C6orf118: variants seen among roughly 807,000 people sequenced by gnomAD.
C6orf118 encodes the protein chromosome 6 open reading frame 118, also known as uncharacterized protein C6orf118.
A neutral mutation model predicts 50.2 loss-of-function variants in C6orf118; 50 were observed. The observed-to-expected ratio is 1.00, with a 90% CI of 0.79 to 1.26. The LOEUF is 1.26. Ranked by LOEUF, C6orf118 falls within the 50% of genes most tolerant of loss-of-function variation. The probability of loss-of-function intolerance (pLI) is 0.00; values close to 1 mark genes in which losing one functional copy is unlikely to be tolerated. For missense variants in C6orf118, 641 were observed against 578.7 expected (o/e 1.11, Z -1.10); for synonymous variants, 239 against 230.9 (o/e 1.03, Z -0.32).
At chr6:165,283,287 C>A (rs138167789) in intron 7 of C6orf118, among the ~76,000 whole-genome samples, 28 of 152,304 alleles carry the variant, frequency 1.8e-4, no homozygotes, top group South Asian at 1.4e-3. Context: ...GATTGTGTTA[C>A]CCTGCCCAGG....
intron 1 of C6orf118, 43 bp from the exon 2 acceptor site, chr6:165,302,339 T>C (rs760831530): frequency 1.3e-6 from 2 of 1,583,798 alleles, no homozygotes; most frequent in Non-Finnish European, 8.5e-7. Context: ...TCGCTCTTAG[T>C]TCCACAGTAA....
chr6:165,302,958 A>AT (rs1463732158), intron 1 of C6orf118, among the ~76,000 whole-genome samples: 11 of 152,238 alleles, frequency 7.2e-5, no homozygotes, highest in Admixed American at 2.0e-4. Flanking sequence ...AATTCTACCC[A>AT]TTTTTGCTGC....
rs922066459 is a variant in C6orf118 at position 165,289,914 on chromosome 6, A to G, written c.1274T>C (p.Ile425Thr). Reference sequence around the variant, plus strand: ...TATGCTTTTAATCCTATTCTCAGTGATATCTGAAATTCCAGTATGAACCAA... The same window carrying G: ...TATGCTTTTAATCCTATTCTCAGTGGTATCTGAAATTCCAGTATGAACCAA... ...TTLVHTGISD[I>T]TENRIKSIEH... The change falls in exon 7 of 9, where the codon ATC becomes ACC. Residue 425 changes from isoleucine to threonine, a missense_variant. Coordinates refer to ENST00000230301, the MANE Select transcript of C6orf118 (RefSeq NM_144980.4). 6.2e-7 allele frequency: 1 copy of G among 1,605,752 alleles called. No individual in the cohort carries two copies. The highest frequency in any genetic ancestry group is 1.7e-5 in the Admixed American group (1 of 58,328).
chr6:165,307,640 T>G (rs1373664513), intron 1 of C6orf118, among the ~76,000 whole-genome samples: 1 of 152,144 alleles, frequency 6.6e-6, no homozygotes, highest in Non-Finnish European at 1.5e-5. Context: ...TTCTCCTTGG[T>G]CTCATTCTAG....
At chr6:165,289,801 A>T in intron 7 of C6orf118, 85 bp downstream of exon 7, 2 of 880,146 alleles carry the variant, frequency 2.3e-6, no homozygotes, top group Non-Finnish European at 3.2e-6. Context: ...TTTTTACCCT[A>T]TTACCAAATC....
rs897687982 is a variant in C6orf118, at chr6:165,305,198, A to C, written c.26-2902T>G. 3.3e-4 allele frequency among the ~76,000 whole-genome samples: 21 copies of C among 63,238 alleles called. 2 individuals are homozygous for C. The highest frequency in any genetic ancestry group is 1.7e-3 in the African/African-American group (17 of 9,730). 41.5% of individuals were successfully genotyped at this position (63,238 alleles called of 152,430 possible). A position where few individuals can be genotyped will look rare whatever the true frequency, so the allele number is the denominator to read the frequency against. On this transcript the variant is annotated intron_variant, in intron 1 of 8. Coordinates refer to ENST00000230301, the MANE Select transcript of C6orf118 (RefSeq NM_144980.4). ...TCTACAACTATCTGATCTTTGACAA[A>C]CCTGAGAAAAACAAGCAATGGGGAA...
intron 7 of C6orf118, among the ~76,000 whole-genome samples, chr6:165,286,471 A>G (rs1464264464): frequency 6.6e-6 from 1 of 152,158 alleles, no homozygotes; most frequent in Non-Finnish European, 1.5e-5. Context: ...AAAAGATACA[A>G]CAAAAAAGGA....
Position 165,301,843 on chromosome 6 carries a change from T to C in C6orf118, c.479A>G (p.Lys160Arg). 1 of 1,613,850 alleles carries C rather than the reference T, an allele frequency of 6.2e-7. No homozygotes were observed. The highest frequency in any genetic ancestry group is 8.5e-7 in the Non-Finnish European group (1 of 1,179,974). ...AGGGCCCCGTCCAGGAGGGCCTCCT[T>C]TCTTTTCTTCCTTCCCCTCTCTGAC... ...EAVREGKEEK[K>R]GGPPGRGPPG... The change falls in exon 2 of 9, where the codon AAA (lysine) becomes AGA (arginine). Residue 160 changes from lysine (K) to arginine (R), a missense_variant. By Grantham distance (26) the Lys-to-Arg change is conservative. Transcript: ENST00000230301.
chr6:165,301,930 T>A lies in C6orf118; in HGVS notation c.392A>T (p.Tyr131Phe). 2 of 1,613,836 alleles carry A rather than the reference T, an allele frequency of 1.2e-6. No individual in the cohort carries two copies. Among genetic ancestry groups the A allele is most frequent in the Non-Finnish European group, 1.7e-6 (2 of 1,179,998 alleles). ...GGAAAGAGAGGCCTGGGGGTTCAGG[T>A]ACCTGAACAGCGGGGTGTCCTGGGC... ...SEAQDTPLFRYLNPQASLSHT... is the reference protein window; with the variant it reads ...SEAQDTPLFRFLNPQASLSHT... The change falls in exon 2 of 9, where the codon TAC becomes TTC. Residue 131 changes from tyrosine to phenylalanine, a missense_variant. Transcript: ENST00000230301.
rs376453925 is a variant in C6orf118 at position 165,291,005 on chromosome 6, C to T, written c.1121-938G>A. On this transcript the variant is annotated intron_variant, in intron 6 of 8. Transcript: ENST00000230301. Reference sequence around the variant, plus strand: ...ATGAGAAATACGCAAAAGGGGAAACCGCTGATAAAACCATCAGATCTGGTG... The same window carrying T: ...ATGAGAAATACGCAAAAGGGGAAACTGCTGATAAAACCATCAGATCTGGTG... 1.4e-4 allele frequency among the ~76,000 whole-genome samples: 22 copies of T among 152,078 alleles called. No individual in the cohort carries two copies. In the South Asian group the frequency reaches 3.3e-3, roughly 23 times the overall value.
At chr6:165,287,401 A>G (rs2128157807) in intron 7 of C6orf118, among the ~76,000 whole-genome samples, 1 of 152,270 alleles carries the variant, frequency 6.6e-6, no homozygotes, top group Admixed American at 6.5e-5. Flanking sequence ...ACTACCATTG[A>G]CATTCTCCAC....
Position 165,299,477 on chromosome 6 carries a change from G to T in C6orf118, c.902C>A (p.Thr301Lys). The T allele has an allele frequency of 6.2e-7, 1 of 1,613,996 alleles. No individual in the cohort carries two copies. The highest frequency in any genetic ancestry group is 8.5e-7 in the Non-Finnish European group (1 of 1,180,004). ...TGCTGCAGGCTGGGACTCCAGGAGC[G>T]TTGCCATGTAGAGTTCATATTCATC... is the stretch of plus-strand genomic sequence containing the variant. ...VKDEYELYMATLLESQPAAQY... is the reference protein window; with the variant it reads ...VKDEYELYMAKLLESQPAAQY... Residue 301 changes from threonine (T) to lysine (K), a missense_variant, in exon 4 of 9, where the codon ACG becomes AAG. Coordinates refer to ENST00000230301, the MANE Select transcript of C6orf118 (RefSeq NM_144980.4).
At chr6:165,286,810 C>G (rs111623513) in intron 7 of C6orf118, among the ~76,000 whole-genome samples, 123 of 152,194 alleles carry the variant, frequency 8.1e-4, no homozygotes, top group African/African-American at 2.9e-3. Context: ...AAACCTACAT[C>G]CAATATTATA....
Position 165,300,416 on chromosome 6 carries a change from T to G in C6orf118, c.824A>C (p.Glu275Ala). Residue 275 changes from glutamate (E) to alanine (A), a missense_variant, in exon 3 of 9, where the codon GAA becomes GCA. Coordinates refer to ENST00000230301, the MANE Select transcript of C6orf118 (RefSeq NM_144980.4). ...NRLHVFGKVF[E>A]DICNSSLIFG... ...TATCAAAGAACTGTTACAAATATCT[T>G]CAAAGACTTTTCCAAAGACGTGCAG... 6.2e-7 allele frequency: 1 copy of G among 1,614,030 alleles called. No individual in the cohort carries two copies. Among genetic ancestry groups the G allele is most frequent in the Non-Finnish European group, 8.5e-7 (1 of 1,179,906 alleles).
intron 2 of C6orf118, 23 bp from the exon 3 acceptor site, chr6:165,300,509 C>T (rs573814): frequency 0.35 from 564,612 of 1,594,872 alleles, 102,106 homozygotes; most frequent in African/African-American, 0.42. Flanking sequence ...CAGAGTCAGC[C>T]CATTTCAGGG....
rs751716543 is a variant in C6orf118 at position 165,302,092 on chromosome 6, A to G, written c.230T>C (p.Leu77Ser). ...NKLYQPPETILQHWPNAHRPK... is the reference protein window; with the variant it reads ...NKLYQPPETISQHWPNAHRPK... ...CCGGTGGGCATTGGGCCAGTGCTGT[A>G]AGATCGTCTCCGGAGGCTGGTAGAG... The change falls in exon 2 of 9, where the codon TTA (leucine) becomes TCA (serine). Residue 77 changes from leucine (L) to serine (S), a missense_variant. Transcript: ENST00000230301. 1 of 1,613,854 alleles carries G rather than the reference A, an allele frequency of 6.2e-7. No homozygotes were observed.
chr6:165,298,038 C>A lies in C6orf118; in HGVS notation c.1000G>T (p.Ala334Ser), dbSNP rs202037689. 31 of 1,613,550 alleles carry A rather than the reference C, an allele frequency of 1.9e-5. No homozygotes were observed. Among genetic ancestry groups the A allele is most frequent in the Non-Finnish European group, 1.2e-5 (14 of 1,179,846 alleles). ...RPVKTADMDL[A>S]REELRMLVTA... ...ACGAGCATCCTCAGCTCTTCCCTGG[C>A]GAGATCCATGTCCGCCGTCTTCACC... Residue 334 changes from alanine (A) to serine (S), a missense_variant, in exon 5 of 9, where the codon GCC (alanine) becomes TCC (serine). Coordinates refer to ENST00000230301, the MANE Select transcript of C6orf118 (RefSeq NM_144980.4).
intron 5 of C6orf118, among the ~76,000 whole-genome samples, chr6:165,294,502 A>G (rs1264619797): frequency 1.3e-5 from 2 of 152,202 alleles, no homozygotes; most frequent in Non-Finnish European, 2.9e-5. Flanking sequence ...AATGTCTACA[A>G]AGGGCCTAAC....
intron 3 of C6orf118, among the ~76,000 whole-genome samples, chr6:165,299,803 G>A (rs2128162472): frequency 6.6e-6 from 1 of 152,240 alleles, no homozygotes; most frequent in African/African-American, 2.4e-5. Context: ...TCCTGCCTCA[G>A]CCTCTGAGTA....
Sources: gnomAD v4.1 joint callset for allele counts (sites outside exome capture counted in the v4.1 genomes callset) on GRCh38, gnomAD v4.1.1 for gene constraint, MANE v1.5 for transcripts, NCBI Gene and HGNC (gene_info 2026-07-23, HGNC 2026-07-21) for gene names.